The following SND1 variants were observed in gnomAD, a reference collection of about 807,000 sequenced individuals.
The protein encoded by SND1 is staphylococcal nuclease and tudor domain containing 1.
A neutral mutation model predicts 121.7 loss-of-function variants in SND1; 38 were observed. The ratio of observed to expected loss-of-function variants is 0.31; its 90% CI spans 0.24 to 0.41. The LOEUF (loss-of-function observed/expected upper bound fraction) is 0.41. Ranked by LOEUF, SND1 falls within the 10% of genes least tolerant of loss-of-function variation. The pLI is 1.00. For missense variants in SND1, 868 were observed against 1,184.6 expected (o/e 0.73, Z 3.92); for synonymous variants, 401 against 447.4 (o/e 0.90, Z 1.31).
At chr7:127,770,808 G>C (rs1450574879) in intron 10 of SND1, among the ~76,000 whole-genome samples, 1 of 152,022 alleles carries the variant, frequency 6.6e-6, no homozygotes, top group African/African-American at 2.4e-5. Context: ...ACACTTAATT[G>C]CTTCTATATG....
intron 17 of SND1, among the ~76,000 whole-genome samples, chr7:128,080,504 C>G (rs1356782888): frequency 6.6e-6 from 1 of 152,230 alleles, no homozygotes; most frequent in East Asian, 1.9e-4. Context: ...TCTTGGTGAG[C>G]TCTTCCCCAG....
intron 10 of SND1, among the ~76,000 whole-genome samples, chr7:127,770,857 T>C (rs1238322186): frequency 6.6e-6 from 1 of 152,260 alleles, no homozygotes; most frequent in Admixed American, 6.5e-5. Flanking sequence ...AGTCCCTTTA[T>C]AATGTTTCTG....
intron 1 of SND1, among the ~76,000 whole-genome samples, chr7:127,683,505 T>C (rs1398384528): frequency 1.3e-5 from 2 of 152,184 alleles, no homozygotes; most frequent in Admixed American, 6.6e-5. Context: ...GCTTGAGCCA[T>C]TGCACCCAGC....
intron 9 of SND1, among the ~76,000 whole-genome samples, chr7:127,715,694 TTTAC>T (rs2116374109): frequency 6.6e-6 from 1 of 152,342 alleles, no homozygotes; most frequent in African/African-American, 2.4e-5. Flanking sequence ...TCAGTTGCCT[TTTAC>T]TTTGTTACAC....
intron 14 of SND1, among the ~76,000 whole-genome samples, chr7:127,913,147 G>GGC (rs776573849): frequency 2.4e-4 from 37 of 152,266 alleles, no homozygotes; most frequent in Non-Finnish European, 4.3e-4. Context: ...CCCAGAGGTG[G>GGC]AGCACTGTTA....
chr7:128,083,701 C>T (rs1793643607), intron 18 of SND1, among the ~76,000 whole-genome samples: 1 of 152,188 alleles, frequency 6.6e-6, no homozygotes, highest in Admixed American at 6.5e-5. Flanking sequence ...ATATGTTGCG[C>T]CCTCCTTACA....
chr7:127,707,670 A>G (rs1364255009), intron 9 of SND1, 23 bp downstream of exon 9: 1 of 1,572,250 alleles, frequency 6.4e-7, no homozygotes, highest in Non-Finnish European at 8.8e-7. Flanking sequence ...CAGCATCTTG[A>G]TATGCATAGT....
rs370997903 is a variant in SND1 at position 127,831,032 on chromosome 7, A to G, written c.1243-13292A>G. ...CATGAACATGAATTCTTGACTTCTG[A>G]TGCCACACCCTGTGCTTACCTCAGT... On this transcript the variant is annotated intron_variant, in intron 11 of 23. Transcript: ENST00000354725. Among the ~76,000 whole-genome samples, 7 of 152,314 alleles carry G rather than the reference A, an allele frequency of 4.6e-5. No homozygotes were observed. In the East Asian group the frequency reaches 5.8e-4, roughly 13 times the overall value.
chr7:127,871,293 A>G (rs915990650), intron 12 of SND1, among the ~76,000 whole-genome samples: 1 of 152,212 alleles, frequency 6.6e-6, no homozygotes, highest in African/African-American at 2.4e-5. Flanking sequence ...TACATGCACC[A>G]TTAACATAGT....
intron 13 of SND1, 32 bp downstream of exon 13, chr7:127,888,044 A>G (rs1799943954): frequency 6.8e-7 from 1 of 1,472,838 alleles, no homozygotes; most frequent in Non-Finnish European, 9.5e-7. Flanking sequence ...CACATGGGGA[A>G]CCCACACCCT....
intron 15 of SND1, among the ~76,000 whole-genome samples, chr7:127,964,188 C>G (rs961328764): frequency 6.6e-6 from 1 of 151,194 alleles, no homozygotes; most frequent in Non-Finnish European, 1.5e-5. Context: ...CAAAAATTTT[C>G]TCCCATGTTA....
At chr7:128,032,516 G>A (rs1307938353) in intron 16 of SND1, among the ~76,000 whole-genome samples, 1 of 151,256 alleles carries the variant, frequency 6.6e-6, no homozygotes, top group Non-Finnish European at 1.5e-5. Flanking sequence ...GGCTGCGGCG[G>A]GAGAGCCCGC....
chr7:127,971,297 CA>C (rs1801981511), intron 15 of SND1, among the ~76,000 whole-genome samples: 1 of 152,112 alleles, frequency 6.6e-6, no homozygotes, highest in Non-Finnish European at 1.5e-5. Context: ...GGTTTGTAAC[CA>C]GCAAAGGAAG....
intron 10 of SND1, among the ~76,000 whole-genome samples, chr7:127,788,430 C>G (rs1335095493): frequency 6.6e-6 from 1 of 152,100 alleles, no homozygotes; most frequent in East Asian, 1.9e-4. Context: ...GACAGAAATG[C>G]TCTCAGCTGT....
intron 16 of SND1, among the ~76,000 whole-genome samples, chr7:128,073,782 A>C (rs1319281817): frequency 6.6e-6 from 1 of 152,162 alleles, no homozygotes; most frequent in African/African-American, 2.4e-5. Flanking sequence ...CACGATCCTG[A>C]GGCTGCCCTT....
At chr7:127,825,875 C>T (rs1425438912) in intron 11 of SND1, among the ~76,000 whole-genome samples, 2 of 152,140 alleles carry the variant, frequency 1.3e-5, no homozygotes, top group Non-Finnish European at 2.9e-5. Flanking sequence ...ATATTCTAAT[C>T]TGTCTGTGTG....
intron 12 of SND1, among the ~76,000 whole-genome samples, chr7:127,883,538 G>GGCC (rs1413931649): frequency 6.6e-6 from 1 of 152,086 alleles, no homozygotes; most frequent in Non-Finnish European, 1.5e-5. Context: ...AAGAGCAACT[G>GGCC]GCCGATCTAT....
chr7:127,719,136 C>T (rs1381864943), intron 9 of SND1, among the ~76,000 whole-genome samples: 2 of 152,116 alleles, frequency 1.3e-5, no homozygotes, highest in East Asian at 3.8e-4. Flanking sequence ...AACTGCCCCC[C>T]TGAAATATTC....
intron 16 of SND1, among the ~76,000 whole-genome samples, chr7:128,032,871 C>T (rs1318838940): frequency 6.6e-6 from 1 of 152,102 alleles, no homozygotes; most frequent in Non-Finnish European, 1.5e-5. Flanking sequence ...GTTGCGGGGG[C>T]GGGAAACAGT....
Sources: allele counts gnomAD v4.1 joint callset (sites outside exome capture counted in the v4.1 genomes callset), GRCh38; gene constraint gnomAD v4.1.1; transcripts MANE v1.5; gene names NCBI Gene and HGNC (gene_info 2026-07-23, HGNC 2026-07-21).